Variants in PTPRD observed in about 807,000 individuals in gnomAD.
PTPRD encodes receptor-type tyrosine-protein phosphatase delta.
In PTPRD, 34 loss-of-function variants were observed where a neutral mutation model predicts 214.5. That is an observed-to-expected ratio of 0.16 (90% CI 0.12 to 0.21). The LOEUF (loss-of-function observed/expected upper bound fraction) is 0.21, where lower values mean the gene tolerates loss of function less well. Among genes scored for constraint, PTPRD ranks in the 10% least tolerant of loss-of-function variants. PTPRD has a pLI of 1.00. For synonymous variants in PTPRD, 1,128 were observed against 845.7 expected, an observed-to-expected ratio of 1.33 and a Z score of -5.79; for missense variants, 2,545 against 2,398.7, an observed-to-expected ratio of 1.06 and a Z score of -1.27.
chr9:10,210,737 G>A (rs2099512071), intron 3 of PTPRD, among the ~76,000 whole-genome samples: 1 of 128,766 alleles, frequency 7.8e-6, no homozygotes. Flanking sequence ...TATATAAAAT[G>A]CTTATATATA....
At chr9:10,335,207 C>A (rs1223605823) in intron 3 of PTPRD, among the ~76,000 whole-genome samples, 1 of 151,682 alleles carries the variant, frequency 6.6e-6, no homozygotes, top group Non-Finnish European at 1.5e-5. Flanking sequence ...CCACAGTACT[C>A]AAGACTGTGT....
chr9:10,264,295 C>A (rs1183401366), intron 3 of PTPRD, among the ~76,000 whole-genome samples: 2 of 152,142 alleles, frequency 1.3e-5, no homozygotes, highest in Non-Finnish European at 2.9e-5. Flanking sequence ...ACAGCTTGCA[C>A]CATGTTCCTG....
At chr9:8,895,231 T>C (rs2098599000) in intron 11 of PTPRD, among the ~76,000 whole-genome samples, 1 of 152,200 alleles carries the variant, frequency 6.6e-6, no homozygotes, top group Non-Finnish European at 1.5e-5. Context: ...CTTTTCAGAC[T>C]TTCCCCAAAG....
At chr9:9,374,153 G>A (rs1011271449) in intron 9 of PTPRD, among the ~76,000 whole-genome samples, 2 of 151,802 alleles carry the variant, frequency 1.3e-5, no homozygotes, top group African/African-American at 4.8e-5. Flanking sequence ...ATTAAGTGAC[G>A]AAAAAGACAG....
At chr9:9,447,670 G>T (rs1474928586) in intron 8 of PTPRD, among the ~76,000 whole-genome samples, 1 of 151,722 alleles carries the variant, frequency 6.6e-6, no homozygotes, top group Admixed American at 6.6e-5. Flanking sequence ...GAAATTAAAA[G>T]AAAAAAAATT....
At chr9:10,513,679 C>T (rs888378681) in intron 2 of PTPRD, among the ~76,000 whole-genome samples, 7 of 152,128 alleles carry the variant, frequency 4.6e-5, no homozygotes, top group Non-Finnish European at 8.8e-5. Context: ...TGTGTCACTT[C>T]CTGGTGAATA....
intron 10 of PTPRD, among the ~76,000 whole-genome samples, chr9:9,114,709 G>A (rs1451119752): frequency 1.3e-5 from 2 of 151,924 alleles, no homozygotes; most frequent in African/African-American, 4.8e-5. Context: ...AAAAAATAAG[G>A]AAAAAAATCA....
intron 10 of PTPRD, among the ~76,000 whole-genome samples, chr9:9,064,104 A>T (rs1304414190): frequency 7.9e-5 from 12 of 152,166 alleles, no homozygotes; most frequent in Non-Finnish European, 1.0e-4. Context: ...ACAAATTGTT[A>T]TATATCATGT....
chr9:8,672,182 GGTTT>G (rs1456616582), intron 12 of PTPRD, among the ~76,000 whole-genome samples: 13 of 151,966 alleles, frequency 8.6e-5, no homozygotes, highest in African/African-American at 3.1e-4. Flanking sequence ...TAACCTTCTT[GGTTT>G]AAGTTACCTC....
chr9:9,432,386 C>T (rs542141265), intron 8 of PTPRD, among the ~76,000 whole-genome samples: 100 of 151,972 alleles, frequency 6.6e-4, no homozygotes, highest in Non-Finnish European at 1.2e-3. Context: ...TATGGTGAGC[C>T]AAAGGAACTA....
intron 9 of PTPRD, among the ~76,000 whole-genome samples, chr9:9,294,739 T>C (rs1305839833): frequency 2.6e-5 from 4 of 151,684 alleles, no homozygotes; most frequent in South Asian, 2.1e-4. Context: ...TTCAGAAATA[T>C]GACAAAATGA....
intron 30 of PTPRD, among the ~76,000 whole-genome samples, chr9:8,482,868 A>T (rs368280503): frequency 1.3e-5 from 2 of 151,812 alleles, no homozygotes; most frequent in East Asian, 1.9e-4. Flanking sequence ...TCTCTCTTTT[A>T]TTATTTGTAT....
At chr9:8,808,954 T>C (rs1566238340) in intron 11 of PTPRD, among the ~76,000 whole-genome samples, 1 of 152,052 alleles carries the variant, frequency 6.6e-6, no homozygotes, top group Non-Finnish European at 1.5e-5. Context: ...CACTGTGAGA[T>C]GGAACACAAG....
intron 7 of PTPRD, among the ~76,000 whole-genome samples, chr9:9,666,123 C>T (rs1451197160): frequency 1.3e-5 from 2 of 151,786 alleles, no homozygotes; most frequent in Non-Finnish European, 2.9e-5. Context: ...AAAATTCTAC[C>T]TAGGCCTTAA....
chr9:8,866,374 C>G (rs781611804), intron 11 of PTPRD, among the ~76,000 whole-genome samples: 11 of 152,114 alleles, frequency 7.2e-5, no homozygotes, highest in Non-Finnish European at 1.3e-4. Context: ...ACAAGTATCT[C>G]TACTGTTCTC....
At chr9:10,576,398 T>C (rs1356795544) in intron 2 of PTPRD, among the ~76,000 whole-genome samples, 1 of 152,126 alleles carries the variant, frequency 6.6e-6, no homozygotes. Flanking sequence ...GAGAGTTTAA[T>C]ATGTTACCCC....
At chr9:9,336,457 G>GTGA (rs2044524510) in intron 9 of PTPRD, among the ~76,000 whole-genome samples, 1 of 152,122 alleles carries the variant, frequency 6.6e-6, no homozygotes, top group Non-Finnish European at 1.5e-5. Flanking sequence ...GTCCAACCAG[G>GTGA]TGATGATGGT....
chr9:8,929,843 GTGTGTATATATA>G (rs2098936658), intron 11 of PTPRD, among the ~76,000 whole-genome samples: 1 of 46,236 alleles, frequency 2.2e-5, no homozygotes, highest in Non-Finnish European at 4.8e-5. Flanking sequence ...GTATATATAT[GTGTGTATATATA>G]TGTGTATATA....
intron 11 of PTPRD, among the ~76,000 whole-genome samples, chr9:8,779,833 T>G (rs1452603283): frequency 6.9e-6 from 1 of 144,384 alleles, no homozygotes; most frequent in Non-Finnish European, 1.5e-5. Context: ...TTTTTTTTTT[T>G]GGTCCTAAGG....
Sources: gnomAD v4.1 joint callset for allele counts (sites outside exome capture counted in the v4.1 genomes callset) on GRCh38, gnomAD v4.1.1 for gene constraint, MANE v1.5 for transcripts, NCBI Gene and HGNC (gene_info 2026-07-23, HGNC 2026-07-21) for gene names.